ZNF750: variants seen among roughly 807,000 people sequenced by gnomAD.
ZNF750 encodes the protein protein ZNF750.
A neutral mutation model predicts 31.6 loss-of-function variants in ZNF750; 10 were observed. The ratio of observed to expected loss-of-function variants is 0.32; its 90% confidence interval spans 0.19 to 0.54. ZNF750 has a LOEUF of 0.54. Ranked by LOEUF, ZNF750 falls within the 20% of genes least tolerant of loss-of-function variation. The pLI is 0.95. For missense variants in ZNF750, 914 were observed against 934.9 expected (o/e 0.98, Z 0.29); for synonymous variants, 400 against 404.9 (o/e 0.99, Z 0.15).
In ZNF750 at chr17:82,830,791, C is replaced by G. The variant is rs1374744239; in HGVS notation, c.1523G>C (p.Ser508Thr). 2 of 1,613,622 alleles carry G rather than the reference C, an allele frequency of 1.2e-6. No individual in the cohort carries two copies. The highest frequency in any genetic ancestry group is 1.7e-6 in the Non-Finnish European group (2 of 1,180,040). The change falls in exon 3 of 3, where the codon AGC (serine) becomes ACC (threonine). Residue 508 changes from serine (S) to threonine (T), a missense_variant. Ser to Thr is a moderately conservative substitution (Grantham distance 58). This residue lies in a region of ZNF750 where 880 missense variants were observed against 868.9 expected (regional missense o/e 1.01). Coordinates refer to ENST00000269394, the MANE Select transcript of ZNF750 (RefSeq NM_024702.3). ...GAGGTTGAGGGGGCCCATCCCGGAG[C>G]TGTCGTCCGGACTGGAAGGCGCGGC... The part of the protein sequence containing the change: ...SEAAPSSPDD[S>T]SGMGPLNLSK...
At chr17:82,839,048 A>G (rs976122268) in intron 1 of ZNF750, 1 of 897,354 alleles carries the variant, frequency 1.1e-6, no homozygotes, top group African/African-American at 1.8e-5. Flanking sequence ...TATGTACAGA[A>G]GACCTTAACA....
rs2053330650 is a variant in ZNF750, at chr17:82,830,000, TTTG to T, written c.*139_*141del. The T allele has an allele frequency of 3.4e-6, 4 of 1,185,916 alleles. No individual in the cohort carries two copies. Among genetic ancestry groups the T allele is most frequent in the Admixed American group, 5.8e-5 (2 of 34,200 alleles). 73.5% of individuals were successfully genotyped at this position (1,185,916 alleles called of 1,614,324 possible). ...AAAAACTGAATTGGAGGGTTTTTTGTTTGTTTGTTTGTTTGTTTTTTTGAGAAG... is the reference window on the plus strand; with the variant it reads ...AAAAACTGAATTGGAGGGTTTTTTGTTTTGTTTGTTTGTTTTTTTGAGAAG... On this transcript the variant is annotated 3_prime_UTR_variant, in exon 3 of 3. Transcript: ENST00000269394.
In ZNF750 at chr17:82,830,078, A is replaced by C. The variant is rs2053338065; in HGVS notation, c.*64T>G. 2 of 1,607,708 alleles carry C rather than the reference A, an allele frequency of 1.2e-6. No individual in the cohort carries two copies. The highest frequency in any genetic ancestry group is 2.7e-5 in the African/African-American group (2 of 74,898). Reference sequence around the variant, plus strand: ...GAAAGTGCCAGTTCAGAGGTGTTGTAGCTTGCCACCTTGGAAGGCGTGTGT... The same window carrying C: ...GAAAGTGCCAGTTCAGAGGTGTTGTCGCTTGCCACCTTGGAAGGCGTGTGT... On this transcript the variant is annotated 3_prime_UTR_variant, in exon 3 of 3. Coordinates refer to ENST00000269394, the MANE Select transcript of ZNF750 (RefSeq NM_024702.3).
At position 82,832,462 on chromosome 17, in the gene ZNF750, C is replaced by T; in HGVS notation, c.-8G>A. The T allele has an allele frequency of 1.2e-6, 2 of 1,607,152 alleles. No homozygotes were observed. The highest frequency in any genetic ancestry group is 1.7e-6 in the Non-Finnish European group (2 of 1,179,414). ...CTCTTTGAGGAGACTCATTTTCCTCCTTATGCCTTGGACTCTGGCTGTCCA... is the reference window on the plus strand; with the variant it reads ...CTCTTTGAGGAGACTCATTTTCCTCTTTATGCCTTGGACTCTGGCTGTCCA... On this transcript the variant is annotated 5_prime_UTR_variant, in exon 2 of 3. Coordinates refer to ENST00000269394, the MANE Select transcript of ZNF750 (RefSeq NM_024702.3). This position sits in a 1 kb window ranked among gnomAD's most constrained non-coding sequence, Gnocchi z 4.9.
At chr17:82,838,846 C>T (rs1416662550) in intron 1 of ZNF750, 9 of 985,306 alleles carry the variant, frequency 9.1e-6, no homozygotes, top group East Asian at 1.1e-4. Flanking sequence ...CGTAAACAAA[C>T]GCTCACCACT....
Position 82,831,086 on chromosome 17 carries a change from G to C in ZNF750, c.1369C>G (p.Pro457Ala), listed in dbSNP as rs891225222. 17 of 1,614,200 alleles carry C rather than the reference G, an allele frequency of 1.1e-5. No individual in the cohort carries two copies. The East Asian group carries it at 3.6e-4, about 34-fold the overall frequency. The change falls in exon 2 of 3, where the codon CCT becomes GCT. Residue 457 changes from proline to alanine, a missense_variant. Pro to Ala is a conservative substitution (Grantham distance 27). Transcript: ENST00000269394. The surrounding 1 kb of genome is among the most constrained non-coding windows in gnomAD (Gnocchi z 4.6). ...AGGCATTCTGTGCTTTTCTTAACAG[G>C]CCTGAAGGCTGTGAGGCTTTGCTCT... Reference protein sequence around the residue: ...PPEQSLTAFRPVKKSTECLPA... With the variant: ...PPEQSLTAFRAVKKSTECLPA...
rs201059000 is a variant in ZNF750, at chr17:82,830,982, C to T, written c.1436+37G>A. 4.2e-5 allele frequency: 67 copies of T among 1,613,702 alleles called. No homozygotes were observed. In the East Asian group the frequency reaches 1.3e-3, roughly 32 times the overall value. Reference sequence around the variant, plus strand: ...CTGGCTCATGGAACCCAACCAGAAACATTCCCTTGGAGGTTTTGAAAATGA... The same window carrying T: ...CTGGCTCATGGAACCCAACCAGAAATATTCCCTTGGAGGTTTTGAAAATGA... On this transcript the variant is annotated intron_variant, in intron 2 of 2. Transcript: ENST00000269394.
rs1381326201 is a variant in ZNF750 at position 82,833,677 on chromosome 17, C to T, written c.-182-1041G>A. Among the ~76,000 whole-genome samples, 4 of 152,208 alleles carry T rather than the reference C, an allele frequency of 2.6e-5. No individual in the cohort carries two copies. Among genetic ancestry groups the T allele is most frequent in the African/African-American group, 9.7e-5 (4 of 41,446 alleles). ...ATGGAAGAACCAAAGCTTTGCCACA[C>T]TCCTGCCCGAGAGGAGACCAGAGTG... On this transcript the variant is annotated intron_variant, in intron 1 of 2. Coordinates refer to ENST00000269394, the MANE Select transcript of ZNF750 (RefSeq NM_024702.3). This position sits in a 1 kb window ranked among gnomAD's most constrained non-coding sequence, Gnocchi z 4.7.
At chr17:82,838,096 A>G (rs539834774) in intron 1 of ZNF750, among the ~76,000 whole-genome samples, 2 of 152,374 alleles carry the variant, frequency 1.3e-5, no homozygotes, top group African/African-American at 2.4e-5. Flanking sequence ...TTCCTGCTCA[A>G]CGTGCACTGG....
rs1472917893 is a variant in ZNF750 at position 82,832,167 on chromosome 17, A to C, written c.288T>G (p.Ser96=). The change falls in exon 2 of 3, where the codon TCT becomes TCG. Residue 96 remains serine, a synonymous_variant. Transcript: ENST00000269394. This position sits in a 1 kb window ranked among gnomAD's most constrained non-coding sequence, Gnocchi z 4.9. Reference sequence around the variant, plus strand: ...TGTGCTGAAGCTTCGAGTCGAAGGCAGAGAGTCCATTTGCGACAGACTTGG... The same window carrying C: ...TGTGCTGAAGCTTCGAGTCGAAGGCCGAGAGTCCATTTGCGACAGACTTGG... ...ASSKSVANGL[S]AFDSKLQHSS... 1 of 1,614,134 alleles carries C rather than the reference A, an allele frequency of 6.2e-7. No individual in the cohort carries two copies. Among genetic ancestry groups the C allele is most frequent in the African/African-American group, 1.3e-5 (1 of 74,954 alleles).
In ZNF750 at chr17:82,830,448, G is replaced by T; in HGVS notation, c.1866C>A (p.Cys622Ter). 1 of 1,612,314 alleles carries T rather than the reference G, an allele frequency of 6.2e-7. No individual in the cohort carries two copies. Among genetic ancestry groups the T allele is most frequent in the Non-Finnish European group, 8.5e-7 (1 of 1,179,890 alleles). The change falls in exon 3 of 3, where the codon TGC becomes TGA. Residue 622 changes from cysteine to a stop codon, truncating the protein, a stop_gained. Coordinates refer to ENST00000269394, the MANE Select transcript of ZNF750 (RefSeq NM_024702.3). LOFTEE classifies it low-confidence loss of function (END_TRUNC). ...TCTGCTCCTCGCTGCTGTCCACCGC[G>T]CATGCGTCTGGAGCCTCCTCGCCGG... is the stretch of plus-strand genomic sequence containing the variant. ...TGPGEEAPDA[C>*]AVDSSEEQKQ...
chr17:82,836,660 T>G (rs535430097), intron 1 of ZNF750, among the ~76,000 whole-genome samples: 1 of 151,918 alleles, frequency 6.6e-6, no homozygotes, highest in South Asian at 2.1e-4. Context: ...CGAAGCAGCA[T>G]TATTTCACAT....
Position 82,832,363 on chromosome 17 carries a change from G to A in ZNF750, c.92C>T (p.Pro31Leu). ...ATGTGACTTCTCATTGCAAGTAAAG[G>A]GACATTGGAAACATTTATACTTGAA... Reference protein sequence around the residue: ...KPFKYKCFQCPFTCNEKSHLF... With the variant: ...KPFKYKCFQCLFTCNEKSHLF... Residue 31 changes from proline (P) to leucine (L), a missense_variant, in exon 2 of 3, where the codon CCC (proline) becomes CTC (leucine). Physicochemically the swap from Pro to Leu is moderately conservative, Grantham distance 98 (BLOSUM62 -3). Transcript: ENST00000269394. This position sits in a 1 kb window ranked among gnomAD's most constrained non-coding sequence, Gnocchi z 4.9. 2.5e-6 allele frequency: 4 copies of A among 1,614,206 alleles called. No individual in the cohort carries two copies. The highest frequency in any genetic ancestry group is 3.4e-6 in the Non-Finnish European group (4 of 1,180,032).
chr17:82,837,824 G>A (rs965797381), intron 1 of ZNF750, among the ~76,000 whole-genome samples: 17 of 152,248 alleles, frequency 1.1e-4, no homozygotes, highest in East Asian at 3.9e-4. Flanking sequence ...CACCTCCTCC[G>A]AGCCTGGCCT....
chr17:82,838,568 A>C, intron 1 of ZNF750: 1 of 818,366 alleles, frequency 1.2e-6, no homozygotes, highest in Non-Finnish European at 1.5e-6. Flanking sequence ...TTGTTGCATA[A>C]CTCAAGGACA....
In ZNF750 at chr17:82,832,488, G is replaced by A; in HGVS notation, c.-34C>T. 1 of 1,590,588 alleles carries A rather than the reference G, an allele frequency of 6.3e-7. No individual in the cohort carries two copies. On this transcript the variant is annotated 5_prime_UTR_variant, in exon 2 of 3. Coordinates refer to ENST00000269394, the MANE Select transcript of ZNF750 (RefSeq NM_024702.3). The surrounding 1 kb of genome is among the most constrained non-coding windows in gnomAD (Gnocchi z 4.9). ...TTATGCCTTGGACTCTGGCTGTCCA[G>A]GTGGCGTGATCACTGTCGACGCCGC... is the stretch of plus-strand genomic sequence containing the variant.
At chr17:82,838,333 C>CT (rs2054159158) in intron 1 of ZNF750, among the ~76,000 whole-genome samples, 1 of 118,538 alleles carries the variant, frequency 8.4e-6, no homozygotes, top group Non-Finnish European at 1.8e-5. Context: ...AGAAAGAGTT[C>CT]TTAAAAAAAA....
chr17:82,836,481 A>G (rs1167800886), intron 1 of ZNF750, among the ~76,000 whole-genome samples: 2 of 152,256 alleles, frequency 1.3e-5, no homozygotes, highest in African/African-American at 2.4e-5. Context: ...CACCTGAAAC[A>G]CAAGCCCTCA....
rs1474080551 is a variant in ZNF750 at position 82,830,108 on chromosome 17, C to T, written c.*34G>A. On this transcript the variant is annotated 3_prime_UTR_variant, in exon 3 of 3. Transcript: ENST00000269394. ...GCCACCTTGGAAGGCGTGTGTGTGG[C>T]CGTAGCTCTGTGAACACACGTGTGA... The T allele has an allele frequency of 6.2e-7, 1 of 1,612,180 alleles. No homozygotes were observed. Among genetic ancestry groups the T allele is most frequent in the Non-Finnish European group, 8.5e-7 (1 of 1,179,906 alleles).
Sources: gnomAD v4.1 joint callset for allele counts (sites outside exome capture counted in the v4.1 genomes callset) on GRCh38, gnomAD v4.1.1 for gene constraint, gnomAD v4.1.1 regional missense constraint, Gnocchi (gnomAD v3.1) non-coding constraint, MANE v1.5 for transcripts, NCBI Gene and HGNC (gene_info 2026-07-23, HGNC 2026-07-21) for gene names.